Variants in HTD2 observed in about 807,000 individuals in gnomAD.
HTD2 encodes hydroxyacyl-thioester dehydratase type 2, mitochondrial.
In HTD2, 1 loss-of-function variant was observed where a neutral mutation model predicts 3.1. The ratio of observed to expected loss-of-function variants is 0.32; its 90% CI spans 0.11 to 1.52. HTD2 has a LOEUF of 1.52. Ranked by LOEUF, HTD2 falls within the 40% of genes most tolerant of loss-of-function variation. The pLI is 0.39. For synonymous variants in HTD2, 50 were observed against 28.9 expected, an observed-to-expected ratio of 1.73 and a Z score of -2.34; for missense variants, 150 against 79.6, an observed-to-expected ratio of 1.88 and a Z score of -3.36.
intron 1 of HTD2, among the ~76,000 whole-genome samples, chr3:58,307,595 G>A (rs2097476883): frequency 6.6e-6 from 1 of 152,112 alleles, no homozygotes; most frequent in African/African-American, 2.4e-5. Context: ...GCGTGATGAC[G>A]TACGCCTGTA....
chr3:58,317,020 A>G lies in HTD2; in HGVS notation c.-175+27A>G, dbSNP rs1289719327. The G allele has an allele frequency of 3.2e-6, 5 of 1,540,806 alleles. No individual in the cohort carries two copies. In the African/African-American group the frequency reaches 5.5e-5, roughly 17 times the overall value. ...TAAAGACTATTCCCTCACATATTCC[A>G]AACAAGACTGAGTGATGGGTCAACT... is the stretch of plus-strand genomic sequence containing the variant. On this transcript the variant is annotated intron_variant, in intron 4 of 4. Transcript: ENST00000461393.
chr3:58,309,314 A>G (rs2097479421), intron 1 of HTD2, among the ~76,000 whole-genome samples: 1 of 152,210 alleles, frequency 6.6e-6, no homozygotes, highest in South Asian at 2.1e-4. Flanking sequence ...ACCCTTGGGC[A>G]GATGTTACCT....
Position 58,316,450 on chromosome 3 carries a change from A to G in HTD2, c.-330-65A>G, listed in dbSNP as rs1482091915. On this transcript the variant is annotated intron_variant, in intron 2 of 4. Transcript: ENST00000461393. ...AAAGCTCAAAACTCATTTGTTGTCA[A>G]AAGTTGACAAGCATTCAAGAATAAT... The G allele has an allele frequency of 1.1e-5, 16 of 1,444,608 alleles. No homozygotes were observed. The East Asian group carries it at 3.2e-4, about 29-fold the overall frequency. 89.5% of individuals were successfully genotyped at this position (1,444,608 alleles called of 1,614,324 possible).
Position 58,318,519 on chromosome 3 carries a change from G to A in HTD2, c.*399G>A, listed in dbSNP as rs1042655314. The A allele has an allele frequency of 7.9e-6, 1 of 126,504 alleles. No individual in the cohort carries two copies. Among genetic ancestry groups the A allele is most frequent in the African/African-American group, 3.2e-5 (1 of 31,226 alleles). The allele number at this position is 126,504 out of a possible 1,614,324, so 7.8% of individuals were successfully genotyped here. A position where few individuals can be genotyped will look rare whatever the true frequency, so the allele number is the denominator to read the frequency against. ...CCAAAAAAAAAAAAAAAAAAAAAGTGCAACTAGCTGTGCTTGGTGACTTGG... is the reference window on the plus strand; with the variant it reads ...CCAAAAAAAAAAAAAAAAAAAAAGTACAACTAGCTGTGCTTGGTGACTTGG... On this transcript the variant is annotated 3_prime_UTR_variant, in exon 5 of 5. Transcript: ENST00000461393.
At chr3:58,310,633 G>T in intron 2 of HTD2, 42 bp downstream of exon 2, 2 of 1,546,958 alleles carry the variant, frequency 1.3e-6, no homozygotes, top group Non-Finnish European at 1.8e-6. Context: ...AAAGATCTTT[G>T]TAAGAAATAC....
intron 2 of HTD2, among the ~76,000 whole-genome samples, chr3:58,314,662 A>G (rs1025887671): frequency 6.8e-6 from 1 of 147,996 alleles, no homozygotes; most frequent in Admixed American, 6.8e-5. Flanking sequence ...ACTCTGGAAC[A>G]TAGTTTGGCA....
rs1156516938 is a variant in HTD2 at position 58,319,571 on chromosome 3, C to A, written c.*1451C>A. 6.6e-6 allele frequency: 1 copy of A among 151,632 alleles called. No individual in the cohort carries two copies. Among genetic ancestry groups the A allele is most frequent in the East Asian group, 1.9e-4 (1 of 5,160 alleles). 9.4% of individuals were successfully genotyped at this position (151,632 alleles called of 1,614,324 possible). On this transcript the variant is annotated 3_prime_UTR_variant, in exon 5 of 5. Coordinates refer to ENST00000461393, the MANE Select transcript of HTD2 (RefSeq NM_001348712.2). ...AAGTACAGTTTCTGTTATAAAAGTT[C>A]AGATTATTCCTTGAAAATTTGGATC...
intron 1 of HTD2, among the ~76,000 whole-genome samples, chr3:58,308,862 G>T (rs547249948): frequency 2.0e-5 from 3 of 152,202 alleles, no homozygotes; most frequent in Non-Finnish European, 4.4e-5. Flanking sequence ...TCATGAAGAG[G>T]TGGTATTTAA....
At chr3:58,309,721 C>A (rs545455268) in intron 1 of HTD2, among the ~76,000 whole-genome samples, 1 of 152,116 alleles carries the variant, frequency 6.6e-6, no homozygotes, top group Non-Finnish European at 1.5e-5. Context: ...GAAACCCTGT[C>A]TCTACTAAAA....
At position 58,317,474 on chromosome 3, in the gene HTD2, G is replaced by A. The variant is rs771539790; in HGVS notation, c.-140G>A. 1 of 1,597,018 alleles carries A rather than the reference G, an allele frequency of 6.3e-7. No homozygotes were observed. The highest frequency in any genetic ancestry group is 8.6e-7 in the Non-Finnish European group (1 of 1,165,534). On this transcript the variant is annotated 5_prime_UTR_variant, in exon 5 of 5. Coordinates refer to ENST00000461393, the MANE Select transcript of HTD2 (RefSeq NM_001348712.2). ...TTTCTTCTTGCATTATCTGGTAATA[G>A]TAGGGAACTAGTATTGGATTGAATG... is the stretch of plus-strand genomic sequence containing the variant.
chr3:58,308,703 C>T (rs2097478474), intron 1 of HTD2, among the ~76,000 whole-genome samples: 1 of 152,230 alleles, frequency 6.6e-6, no homozygotes, highest in East Asian at 1.9e-4. Context: ...TGGTCCATAG[C>T]TCTGTGACCT....
At chr3:58,316,038 A>T (rs78441111) in intron 2 of HTD2, among the ~76,000 whole-genome samples, 6,959 of 151,766 alleles carry the variant, frequency 0.046, 546 homozygotes, top group African/African-American at 0.16. Flanking sequence ...ACAAAATTTT[A>T]AAAAAAAATA....
rs1165108395 is a variant in HTD2 at position 58,316,355 on chromosome 3, CA to C, written c.-330-159del. ...AGAGGTGTAGGCAGAACATTCTAGG[CA>C]GGGGGAGCTGTAAGTAGGCAACTAA... is the stretch of plus-strand genomic sequence containing the variant. On this transcript the variant is annotated intron_variant, in intron 2 of 4. Coordinates refer to ENST00000461393, the MANE Select transcript of HTD2 (RefSeq NM_001348712.2). The C allele has an allele frequency of 5.5e-5, 34 of 622,372 alleles. No individual in the cohort carries two copies. In the East Asian group the frequency reaches 9.0e-4, roughly 16 times the overall value. 38.6% of individuals were successfully genotyped at this position (622,372 alleles called of 1,614,324 possible).
At chr3:58,316,396 T>C in intron 2 of HTD2, 119 bp from the exon 3 acceptor site, 1 of 882,152 alleles carries the variant, frequency 1.1e-6, no homozygotes, top group Non-Finnish European at 1.8e-6. Flanking sequence ...CCAGCACCAT[T>C]AAATAAAATA....
chr3:58,316,468 A>G, intron 2 of HTD2, 47 bp from the exon 3 acceptor site: 9 of 1,522,436 alleles, frequency 5.9e-6, no homozygotes, highest in Non-Finnish European at 8.2e-6. Context: ...CAAGCATTCA[A>G]GAATAATGGT....
chr3:58,306,405 C>A (rs1348079368), upstream of HTD2: 2 of 152,318 alleles, frequency 1.3e-5, no homozygotes, highest in African/African-American at 4.8e-5. Flanking sequence ...CAGGCTAGTC[C>A]GACGAAGAGT....
intron 2 of HTD2, among the ~76,000 whole-genome samples, chr3:58,314,199 A>C (rs1352557334): frequency 6.6e-6 from 1 of 151,790 alleles, no homozygotes; most frequent in Non-Finnish European, 1.5e-5. Flanking sequence ...AAAGCTATAA[A>C]AACTAGCCGG....
chr3:58,311,212 T>G (rs2097481891), intron 2 of HTD2, among the ~76,000 whole-genome samples: 1 of 152,188 alleles, frequency 6.6e-6, no homozygotes, highest in South Asian at 2.1e-4. Context: ...TGGAGTGCAA[T>G]GGCACATTCT....
At chr3:58,313,387 A>G (rs2097484593) in intron 2 of HTD2, among the ~76,000 whole-genome samples, 1 of 152,274 alleles carries the variant, frequency 6.6e-6, no homozygotes, top group Non-Finnish European at 1.5e-5. Flanking sequence ...CTTTGAGAAC[A>G]GAAGTAGAGA....
Sources: allele counts gnomAD v4.1 joint callset (sites outside exome capture counted in the v4.1 genomes callset), GRCh38; gene constraint gnomAD v4.1.1; transcripts MANE v1.5; gene names NCBI Gene and HGNC (gene_info 2026-07-23, HGNC 2026-07-21).